The following IPPK variants were observed in gnomAD, a reference collection of about 807,000 sequenced individuals.
The protein encoded by IPPK is IPK1 homolog.
Under a neutral mutation model 64.6 loss-of-function variants are expected in IPPK, and 22 were observed. That is an observed-to-expected ratio of 0.34 (90% CI 0.24 to 0.49). The LOEUF (loss-of-function observed/expected upper bound fraction) is 0.49, where lower values mean the gene tolerates loss of function less well. Ranked by LOEUF, IPPK falls within the 20% of genes least tolerant of loss-of-function variation. The probability of loss-of-function intolerance (pLI) is 0.99; values close to 1 mark genes in which losing one functional copy is unlikely to be tolerated. For synonymous variants in IPPK, 262 were observed against 247.2 expected (o/e 1.06, Z -0.56); for missense variants, 532 against 630.7 (o/e 0.84, Z 1.68).
rs535488802 is a variant in IPPK at position 92,651,962 on chromosome 9, G to A, written c.292+611C>T. Among the ~76,000 whole-genome samples, 25 of 152,096 alleles carry A rather than the reference G, an allele frequency of 1.6e-4. No individual in the cohort carries two copies. In the South Asian group the frequency reaches 4.8e-3, roughly 29 times the overall value. On this transcript the variant is annotated intron_variant, in intron 4 of 12. Coordinates refer to ENST00000287996, the MANE Select transcript of IPPK (RefSeq NM_022755.6). ...TCACCATGTTGGTCACGCTGGTCTC[G>A]AACTCCTGACCTCAGGTGACCTGCC...
In IPPK at chr9:92,648,096, T is replaced by C. The variant is rs145527689; in HGVS notation, c.467A>G (p.His156Arg). The change falls in exon 6 of 13, where the codon CAT becomes CGT. Residue 156 changes from histidine to arginine, a missense_variant. Coordinates refer to ENST00000287996, the MANE Select transcript of IPPK (RefSeq NM_022755.6). The part of the protein sequence containing the change: ...FSSDVTHEMK[H>R]KVCRYCMHQH... ...GTGCATGCAGTATCGACAGACCTTA[T>C]GCTTCATCTCATGCGTGACATCACT... The C allele has an allele frequency of 1.9e-6, 3 of 1,613,622 alleles. No homozygotes were observed. The highest frequency in any genetic ancestry group is 1.1e-5 in the South Asian group (1 of 90,958).
At chr9:92,618,441 C>T (rs1363628241) in intron 12 of IPPK, 2 of 456,582 alleles carry the variant, frequency 4.4e-6, no homozygotes, top group Non-Finnish European at 8.8e-6. Flanking sequence ...AGGTGAGTAA[C>T]ATGTCTGTCC....
intron 7 of IPPK, among the ~76,000 whole-genome samples, chr9:92,642,463 C>A (rs1375632727): frequency 6.6e-6 from 1 of 152,262 alleles, no homozygotes; most frequent in Non-Finnish European, 1.5e-5. Flanking sequence ...GAGGTCAAGG[C>A]TGAGCACCAG....
chr9:92,641,880 C>G (rs1405131367), intron 7 of IPPK, among the ~76,000 whole-genome samples: 2 of 152,210 alleles, frequency 1.3e-5, no homozygotes, highest in Non-Finnish European at 2.9e-5. Flanking sequence ...ACCAGAACAG[C>G]TCTGCAGTAA....
chr9:92,639,847 G>A (rs1459772325), intron 8 of IPPK, among the ~76,000 whole-genome samples: 2 of 152,140 alleles, frequency 1.3e-5, no homozygotes, highest in Non-Finnish European at 2.9e-5. Flanking sequence ...AGCAGCCAGC[G>A]CCATGGGTTT....
At chr9:92,637,493 C>G (rs577387158) in intron 9 of IPPK, among the ~76,000 whole-genome samples, 1 of 152,158 alleles carries the variant, frequency 6.6e-6, no homozygotes, top group Non-Finnish European at 1.5e-5. Context: ...CATGTGGCAG[C>G]GGCCAGGCCC....
intron 4 of IPPK, among the ~76,000 whole-genome samples, chr9:92,651,845 A>C (rs1364534754): frequency 6.6e-6 from 1 of 152,166 alleles, no homozygotes; most frequent in East Asian, 1.9e-4. Flanking sequence ...CTTCCCAAGT[A>C]GCTGGGATTA....
At chr9:92,667,078 G>A (rs958486552) in intron 1 of IPPK, among the ~76,000 whole-genome samples, 1 of 152,204 alleles carries the variant, frequency 6.6e-6, no homozygotes, top group Non-Finnish European at 1.5e-5. Flanking sequence ...ATGGTAGAGG[G>A]GATGGGGGTC....
chr9:92,616,399 T>C (rs1433439355), intron 12 of IPPK: 22 of 212,074 alleles, frequency 1.0e-4, no homozygotes, highest in Non-Finnish European at 4.8e-5. Flanking sequence ...ATGTGGAACA[T>C]GTGAGCGATG....
chr9:92,633,444 G>T (rs918978016), intron 11 of IPPK, among the ~76,000 whole-genome samples: 10 of 151,972 alleles, frequency 6.6e-5, no homozygotes, highest in African/African-American at 1.9e-4. Flanking sequence ...TATGATCACA[G>T]TTCCCCGCAG....
intron 6 of IPPK, among the ~76,000 whole-genome samples, chr9:92,647,612 A>G (rs1354360188): frequency 3.3e-5 from 5 of 152,144 alleles, no homozygotes; most frequent in Non-Finnish European, 7.3e-5. Flanking sequence ...ATCATGTAAT[A>G]TACCATATTC....
intron 8 of IPPK, among the ~76,000 whole-genome samples, chr9:92,640,147 G>C (rs963437707): frequency 3.3e-5 from 5 of 152,208 alleles, no homozygotes; most frequent in Non-Finnish European, 7.3e-5. Context: ...GGCTACAACT[G>C]GGACTGAGGT....
intron 6 of IPPK, among the ~76,000 whole-genome samples, chr9:92,644,041 A>G (rs942457694): frequency 6.6e-6 from 1 of 152,202 alleles, no homozygotes; most frequent in African/African-American, 2.4e-5. Context: ...CCCAAGGGGC[A>G]TGGCTCACAT....
Position 92,669,914 on chromosome 9 carries a change from G to C in IPPK, c.75C>G (p.His25Gln). ...GEGNKSLVVA[H>Q]AQRCVVLRFL... ...CCGCACGTCCACCGCTCACCTGCGC[G>C]TGGGCCACCACCAGGCTCTTATTGC... The change falls in exon 1 of 13, where the codon CAC becomes CAG. Residue 25 changes from histidine to glutamine, a missense_variant. By Grantham distance (24) the His-to-Gln change is conservative (BLOSUM62 0). Coordinates refer to ENST00000287996, the MANE Select transcript of IPPK (RefSeq NM_022755.6). The C allele has an allele frequency of 6.2e-7, 1 of 1,611,122 alleles. No individual in the cohort carries two copies. Among genetic ancestry groups the C allele is most frequent in the Non-Finnish European group, 8.5e-7 (1 of 1,178,372 alleles).
intron 1 of IPPK, among the ~76,000 whole-genome samples, chr9:92,663,279 A>G (rs1374494402): frequency 1.3e-5 from 2 of 152,154 alleles, no homozygotes; most frequent in East Asian, 1.9e-4. Context: ...TTGTGTCCCA[A>G]TGGCCTGCAG....
In IPPK at chr9:92,652,032, G is replaced by A. The variant is rs376650530; in HGVS notation, c.292+541C>T. ...GCTGGGATTACAGGCGAGAGCCACC[G>A]CACCTGCCTTTACTGGTTCTTCATC... On this transcript the variant is annotated intron_variant, in intron 4 of 12. Transcript: ENST00000287996. Among the ~76,000 whole-genome samples the A allele has an allele frequency of 2.6e-3, 403 of 152,108 alleles. 1 individual carries two copies. The highest frequency in any genetic ancestry group is 3.5e-3 in the Non-Finnish European group (240 of 67,976).
At position 92,615,558 on chromosome 9, in the gene IPPK, GA is replaced by G. The variant is rs1851404681; in HGVS notation, c.*273del. 2.5e-6 allele frequency: 1 copy of G among 396,272 alleles called. No individual in the cohort carries two copies. Among genetic ancestry groups the G allele is most frequent in the African/African-American group, 2.1e-5 (1 of 48,724 alleles). The allele number at this position is 396,272 out of a possible 1,614,324, so 24.5% of individuals were successfully genotyped here. ...GACATGAGCCCTGGTTGGGAAAGAA[GA>G]ACTATCCAGAACGTCTTCCCAGGGC... On this transcript the variant is annotated 3_prime_UTR_variant, in exon 13 of 13. Transcript: ENST00000287996.
intron 11 of IPPK, among the ~76,000 whole-genome samples, chr9:92,632,878 A>G (rs1264001486): frequency 6.6e-6 from 1 of 152,254 alleles, no homozygotes; most frequent in Non-Finnish European, 1.5e-5. Flanking sequence ...AGTGGGTCCC[A>G]GGGCTCCAGG....
intron 7 of IPPK, 62 bp downstream of exon 7, chr9:92,642,690 C>T (rs1383926957): frequency 6.8e-7 from 1 of 1,464,070 alleles, no homozygotes; most frequent in East Asian, 2.3e-5. Flanking sequence ...AGGCACTGGC[C>T]CCCGCCCTAC....
Sources: gnomAD v4.1 joint callset for allele counts (sites outside exome capture counted in the v4.1 genomes callset) on GRCh38, gnomAD v4.1.1 for gene constraint, MANE v1.5 for transcripts, NCBI Gene and HGNC (gene_info 2026-07-23, HGNC 2026-07-21) for gene names.